Variants in FIGLA observed in about 807,000 individuals in gnomAD.
FIGLA encodes folliculogenesis specific bHLH transcription factor.
In FIGLA, 17 loss-of-function variants were observed where a neutral mutation model predicts 21.5. The ratio of observed to expected loss-of-function variants is 0.79; its 90% CI spans 0.54 to 1.19. The LOEUF (loss-of-function observed/expected upper bound fraction) is 1.19, where lower values mean the gene tolerates loss of function less well. Ranked by LOEUF, FIGLA falls within the 50% of genes most tolerant of loss-of-function variation. The probability of loss-of-function intolerance (pLI) is 0.00; values close to 1 mark genes in which losing one functional copy is unlikely to be tolerated. For synonymous variants in FIGLA, 129 were observed against 117.6 expected (o/e 1.10, Z -0.63); for missense variants, 282 against 285.0 (o/e 0.99, Z 0.08).
Position 70,785,599 on chromosome 2 carries a change from G to T in FIGLA, c.425C>A (p.Ser142Tyr). Residue 142 changes from serine (S) to tyrosine (Y), a missense_variant, in exon 3 of 5, where the codon TCT becomes TAT. Transcript: ENST00000332372. ...PDEQSYSNNS[S>Y]ESHTSSARQL... The stretch of plus-strand genomic sequence containing the variant: ...TCTTGCCGAGGATGTATGTGATTCA[G>T]AACTGTTGTTACTATAGCTCTGCTC... 2.5e-6 allele frequency: 4 copies of T among 1,613,990 alleles called. No individual in the cohort carries two copies. The highest frequency in any genetic ancestry group is 3.4e-6 in the Non-Finnish European group (4 of 1,179,886).
At chr2:70,782,388 G>C (rs1675871751) in intron 3 of FIGLA, among the ~76,000 whole-genome samples, 1 of 152,142 alleles carries the variant, frequency 6.6e-6, no homozygotes. Flanking sequence ...AAAACAACTG[G>C]CCTGTAATCT....
At chr2:70,789,608 C>T (rs1226578625) in intron 1 of FIGLA, among the ~76,000 whole-genome samples, 1 of 152,186 alleles carries the variant, frequency 6.6e-6, no homozygotes, top group Non-Finnish European at 1.5e-5. Context: ...GTACTTCTCT[C>T]CCCAGTCCCA....
In FIGLA at chr2:70,785,475, T is replaced by C. The variant is rs1553389811; in HGVS notation, c.549A>G (p.Ala183=). The part of the protein sequence containing the change: ...PWADGGSGEP[A]HACRHSVMST... ...ACATCACACTGTGGCGACAAGCGTG[T>C]GCTGGCTCACCACTGCCACCATCTG... is the stretch of plus-strand genomic sequence containing the variant. Residue 183 remains alanine, a synonymous_variant, in exon 3 of 5, where the codon GCA becomes GCG. Transcript: ENST00000332372. 5 of 1,613,926 alleles carry C rather than the reference T, an allele frequency of 3.1e-6. No homozygotes were observed. The highest frequency in any genetic ancestry group is 3.4e-6 in the Non-Finnish European group (4 of 1,179,906).
At chr2:70,784,276 G>A (rs1480219031) in intron 3 of FIGLA, among the ~76,000 whole-genome samples, 1 of 152,090 alleles carries the variant, frequency 6.6e-6, no homozygotes, top group Admixed American at 6.5e-5. Flanking sequence ...ATTGGTGAGA[G>A]CCAAGTGAGA....
In FIGLA at chr2:70,784,941, A is replaced by C. The variant is rs1457689159; in HGVS notation, c.609+474T>G. ...TGTCTTACAACCAGCACCACCCCCC[A>C]CCACAAAAAAAAAAAAAAAGTATCA... On this transcript the variant is annotated intron_variant, in intron 3 of 4. Coordinates refer to ENST00000332372, the MANE Select transcript of FIGLA (RefSeq NM_001004311.3). Among the ~76,000 whole-genome samples the C allele has an allele frequency of 1.0e-3, 91 of 88,514 alleles. 1 individual carries two copies. The highest frequency in any genetic ancestry group is 5.2e-3 in the African/African-American group (85 of 16,408). 58.1% of individuals were successfully genotyped at this position (88,514 alleles called of 152,430 possible).
chr2:70,783,998 T>C (rs551204057), intron 3 of FIGLA, among the ~76,000 whole-genome samples: 1 of 152,228 alleles, frequency 6.6e-6, no homozygotes, highest in African/African-American at 2.4e-5. Context: ...CCCCACTCTT[T>C]TGTTGTTGTT....
chr2:70,778,530 C>A (rs1675803142), intron 3 of FIGLA, among the ~76,000 whole-genome samples: 2 of 151,530 alleles, frequency 1.3e-5, no homozygotes, highest in African/African-American at 2.4e-5. Context: ...ATTTTTTATA[C>A]TTGAGACAAA....
At chr2:70,783,368 C>T (rs868925409) in intron 3 of FIGLA, among the ~76,000 whole-genome samples, 7 of 152,332 alleles carry the variant, frequency 4.6e-5, no homozygotes, top group East Asian at 1.9e-4. Flanking sequence ...TACTAGGAAA[C>T]GTTAGTCCCC....
chr2:70,790,054 G>A (rs369364424), intron 1 of FIGLA, among the ~76,000 whole-genome samples: 12 of 152,220 alleles, frequency 7.9e-5, no homozygotes, highest in African/African-American at 2.9e-4. Flanking sequence ...CCTACGGTGT[G>A]AGATGAAGGC....
At chr2:70,787,531 C>A in intron 2 of FIGLA, 118 bp downstream of exon 2, 2 of 1,063,512 alleles carry the variant, frequency 1.9e-6, no homozygotes, top group Non-Finnish European at 1.3e-6. Context: ...ATAAAAATAG[C>A]TTAGAGGTTA....
intron 1 of FIGLA, among the ~76,000 whole-genome samples, chr2:70,789,192 A>G (rs1676012917): frequency 6.6e-6 from 1 of 152,098 alleles, no homozygotes; most frequent in Admixed American, 6.5e-5. Context: ...AAAACTAGAA[A>G]AAGACTGGGT....
At chr2:70,788,617 C>G (rs1354340145) in intron 1 of FIGLA, among the ~76,000 whole-genome samples, 2 of 152,162 alleles carry the variant, frequency 1.3e-5, no homozygotes, top group Non-Finnish European at 2.9e-5. Flanking sequence ...GCAAACCAGA[C>G]AAGGGACATA....
At chr2:70,777,548 T>C (rs2104594802) in intron 4 of FIGLA, 89 bp downstream of exon 4, 1 of 1,540,350 alleles carries the variant, frequency 6.5e-7, no homozygotes, top group East Asian at 2.4e-5. Context: ...TAGAGCTCAT[T>C]GCTAAGAATG....
Position 70,790,617 on chromosome 2 carries a change from G to A in FIGLA, c.22C>T (p.Leu8=). 2 of 1,428,514 alleles carry A rather than the reference G, an allele frequency of 1.4e-6. No homozygotes were observed. Among genetic ancestry groups the A allele is most frequent in the South Asian group, 1.5e-5 (1 of 67,288 alleles). 88.5% of individuals were successfully genotyped at this position (1,428,514 alleles called of 1,614,324 possible). Residue 8 remains leucine, a synonymous_variant, in exon 1 of 5, where the codon CTA becomes TTA. Coordinates refer to ENST00000332372, the MANE Select transcript of FIGLA (RefSeq NM_001004311.3). The part of the protein sequence containing the change: MDPAPGV[L]DPRAAPPALL... ...GCGGGCGGCGCGGCGCGGGGATCTA[G>A]GACGCCGGGCGCGGGGTCCATGGCA...
At chr2:70,789,425 C>T (rs1676016075) in intron 1 of FIGLA, among the ~76,000 whole-genome samples, 1 of 152,098 alleles carries the variant, frequency 6.6e-6, no homozygotes, top group Non-Finnish European at 1.5e-5. Context: ...CTTTGTAGGG[C>T]CACCGAATCA....
At position 70,787,762 on chromosome 2, in the gene FIGLA, G is replaced by C; in HGVS notation, c.271C>G (p.Leu91Val). ...LNRGFARLKA[L>V]VPFLPQSRKP... ...CTGCTTTGGGGAAGAAATGGCACAAGTGCCTTCAATCTGGCAAAACCACGG... is the reference window on the plus strand; with the variant it reads ...CTGCTTTGGGGAAGAAATGGCACAACTGCCTTCAATCTGGCAAAACCACGG... The change falls in exon 2 of 5, where the codon CTT becomes GTT. Residue 91 changes from leucine (L) to valine (V), a missense_variant. Leu to Val is a conservative substitution (Grantham distance 32). Coordinates refer to ENST00000332372, the MANE Select transcript of FIGLA (RefSeq NM_001004311.3). 6.2e-7 allele frequency: 1 copy of C among 1,613,268 alleles called. No homozygotes were observed. Among genetic ancestry groups the C allele is most frequent in the East Asian group, 2.2e-5 (1 of 44,882 alleles).
intron 3 of FIGLA, among the ~76,000 whole-genome samples, chr2:70,783,555 G>A (rs1188140006): frequency 6.6e-6 from 1 of 152,204 alleles, no homozygotes; most frequent in Non-Finnish European, 1.5e-5. Flanking sequence ...GTGTAGCCAG[G>A]TGGCTCACCA....
At chr2:70,784,821 T>C (rs1234120843) in intron 3 of FIGLA, among the ~76,000 whole-genome samples, 3 of 152,188 alleles carry the variant, frequency 2.0e-5, no homozygotes, top group Non-Finnish European at 2.9e-5. Flanking sequence ...AGTCCACTTC[T>C]GGACTTGGAG....
chr2:70,785,037 T>C (rs1383506599), intron 3 of FIGLA, among the ~76,000 whole-genome samples: 2 of 151,844 alleles, frequency 1.3e-5, no homozygotes, highest in African/African-American at 4.8e-5. Context: ...CCAGAAAACC[T>C]TTTGATGGGT....
Sources: gnomAD v4.1 joint callset for allele counts (sites outside exome capture counted in the v4.1 genomes callset) on GRCh38, gnomAD v4.1.1 for gene constraint, MANE v1.5 for transcripts, NCBI Gene and HGNC (gene_info 2026-07-23, HGNC 2026-07-21) for gene names.